ANKRD34B: variants seen among roughly 807,000 people sequenced by gnomAD.
ANKRD34B encodes ankyrin repeat domain 34B.
Under a neutral mutation model 4.4 loss-of-function variants are expected in ANKRD34B, and 2 were observed. That is an observed-to-expected ratio of 0.46 (90% CI 0.19 to 1.44). The LOEUF is 1.44. ANKRD34B is among the 40% of genes most tolerant of loss of function. The pLI is 0.26. For synonymous variants in ANKRD34B, 226 were observed against 227.1 expected (o/e 0.99, Z 0.05); for missense variants, 558 against 604.7 (o/e 0.92, Z 0.81).
chr5:80,567,388 G>C (rs961052003), intron 2 of ANKRD34B, among the ~76,000 whole-genome samples: 2 of 151,732 alleles, frequency 1.3e-5, no homozygotes, highest in African/African-American at 4.8e-5. Context: ...GGGAGGCCGA[G>C]GGGGAGCGGA....
chr5:80,564,298 C>T (rs75233327), intron 3 of ANKRD34B: 6 of 152,994 alleles, frequency 3.9e-5, no homozygotes, highest in East Asian at 3.8e-4. Flanking sequence ...AGGTGTGAGC[C>T]GCCATGCCCA....
At chr5:80,560,366 C>T (rs1025185178) in intron 4 of ANKRD34B, among the ~76,000 whole-genome samples, 1 of 151,872 alleles carries the variant, frequency 6.6e-6, no homozygotes, top group Non-Finnish European at 1.5e-5. Context: ...TATTAAAAAG[C>T]AAATTTAGGA....
chr5:80,560,839 A>G (rs190676007), intron 4 of ANKRD34B, among the ~76,000 whole-genome samples: 170 of 152,268 alleles, frequency 1.1e-3, no homozygotes, highest in Middle Eastern at 3.4e-3. Flanking sequence ...TAGACTTTCA[A>G]TTTGAGGGAC....
At position 80,559,902 on chromosome 5, in the gene ANKRD34B, T is replaced by C. The variant is rs746160231; in HGVS notation, c.118A>G (p.Asn40Asp). The change falls in exon 5 of 5, where the codon AAC becomes GAC. Residue 40 changes from asparagine to aspartate, a missense_variant. Physicochemically the swap from Asn to Asp is conservative, Grantham distance 23. Transcript: ENST00000338682. ...LEGGAYINES[N>D]DRGETPLMIA... The stretch of plus-strand genomic sequence containing the variant: ...ATTAAAGGGGTTTCCCCACGGTCGT[T>C]GCTCTCATTAATGTAGGCACCGCCT... 1.2e-6 allele frequency: 2 copies of C among 1,614,096 alleles called. No homozygotes were observed. Among genetic ancestry groups the C allele is most frequent in the African/African-American group, 1.3e-5 (1 of 75,026 alleles).
At position 80,558,570 on chromosome 5, in the gene ANKRD34B, C is replaced by A; in HGVS notation, c.1450G>T (p.Val484Phe). ...SCGQKVLMPTVPIFPKEFKSK... is the reference protein window; with the variant it reads ...SCGQKVLMPTFPIFPKEFKSK... Reference sequence around the variant, plus strand: ...TTGAATTCTTTAGGGAAAATCGGAACTGTTGGCATAAGCACTTTTTGACCA... The same window carrying A: ...TTGAATTCTTTAGGGAAAATCGGAAATGTTGGCATAAGCACTTTTTGACCA... Residue 484 changes from valine to phenylalanine, a missense_variant, in exon 5 of 5, where the codon GTT (valine) becomes TTT (phenylalanine). Val to Phe is a conservative substitution (Grantham distance 50). Coordinates refer to ENST00000338682, the MANE Select transcript of ANKRD34B (RefSeq NM_001004441.3). The A allele has an allele frequency of 6.2e-7, 1 of 1,614,084 alleles. No individual in the cohort carries two copies.
At chr5:80,570,001 G>C (rs1746710193) in intron 1 of ANKRD34B, among the ~76,000 whole-genome samples, 153 bp downstream of exon 1, 1 of 152,230 alleles carries the variant, frequency 6.6e-6, no homozygotes, top group South Asian at 2.1e-4. Context: ...GGAGGTGCGG[G>C]CTTCAGGGGC....
chr5:80,559,184 T>G lies in ANKRD34B; in HGVS notation c.836A>C (p.Tyr279Ser), dbSNP rs1194034749. The G allele has an allele frequency of 6.2e-7, 1 of 1,614,254 alleles. No homozygotes were observed. The highest frequency in any genetic ancestry group is 1.7e-5 in the Admixed American group (1 of 60,026). ...GGAAAGTGCCAGCCCATTGGTTTTA[T>G]AGGATAGTTCTTCCTCTGGTGTAAT... is the stretch of plus-strand genomic sequence containing the variant. ...QDITPEEELS[Y>S]KTNGLALSKR... Residue 279 changes from tyrosine (Y) to serine (S), a missense_variant, in exon 5 of 5, where the codon TAT (tyrosine) becomes TCT (serine). By Grantham distance (144) the Tyr-to-Ser change is moderately radical (BLOSUM62 -2). Transcript: ENST00000338682.
chr5:80,567,726 A>T (rs1746619231), intron 2 of ANKRD34B, among the ~76,000 whole-genome samples: 2 of 151,942 alleles, frequency 1.3e-5, no homozygotes, highest in African/African-American at 4.8e-5. Flanking sequence ...CATAAAGTTC[A>T]TCATCTGGCC....
rs529062288 is a variant in ANKRD34B at position 80,557,865 on chromosome 5, T to G, written c.*610A>C. ...TCTGACTTGCCAGTTTGACACTAAT[T>G]AAACTGACACCACGAATATTTTAGT... On this transcript the variant is annotated 3_prime_UTR_variant, in exon 5 of 5. Transcript: ENST00000338682. The G allele has an allele frequency of 6.6e-6, 1 of 152,348 alleles. No individual in the cohort carries two copies. Among genetic ancestry groups the G allele is most frequent in the South Asian group, 2.1e-4 (1 of 4,820 alleles). 9.4% of individuals were successfully genotyped at this position (152,348 alleles called of 1,614,324 possible).
chr5:80,567,633 AAAAG>A (rs1418435087), intron 2 of ANKRD34B, among the ~76,000 whole-genome samples: 4 of 109,834 alleles, frequency 3.6e-5, no homozygotes, highest in East Asian at 4.6e-4. Flanking sequence ...AAAAAAAAAA[AAAAG>A]AAAAGAAAAG....
At chr5:80,564,686 CTTTG>C (rs1423219147) in intron 3 of ANKRD34B, among the ~76,000 whole-genome samples, 1 of 141,098 alleles carries the variant, frequency 7.1e-6, no homozygotes, top group Non-Finnish European at 1.5e-5. Flanking sequence ...TTTAAAGCCA[CTTTG>C]TTTGCTCACT....
In ANKRD34B at chr5:80,558,577, C is replaced by G. The variant is rs1746316358; in HGVS notation, c.1443G>C (p.Met481Ile). 6.2e-7 allele frequency: 1 copy of G among 1,613,952 alleles called. No individual in the cohort carries two copies. Among genetic ancestry groups the G allele is most frequent in the Non-Finnish European group, 8.5e-7 (1 of 1,179,990 alleles). Residue 481 changes from methionine (M) to isoleucine (I), a missense_variant, in exon 5 of 5, where the codon ATG (methionine) becomes ATC (isoleucine). Met to Ile is a conservative substitution (Grantham distance 10). Coordinates refer to ENST00000338682, the MANE Select transcript of ANKRD34B (RefSeq NM_001004441.3). ...CTTTAGGGAAAATCGGAACTGTTGG[C>G]ATAAGCACTTTTTGACCACAAGAAA... is the stretch of plus-strand genomic sequence containing the variant. ...SLLSCGQKVLMPTVPIFPKEF... is the reference protein window; with the variant it reads ...SLLSCGQKVLIPTVPIFPKEF...
rs1746284683 is a variant in ANKRD34B, at chr5:80,557,782, GC to G, written c.*692del. Reference sequence around the variant, plus strand: ...TGTTTAAAAACCAAAACAAAGCAAAGCAAAACACAGTGCACAAACAACAAGA... The same window carrying G: ...TGTTTAAAAACCAAAACAAAGCAAAGAAAACACAGTGCACAAACAACAAGA... On this transcript the variant is annotated 3_prime_UTR_variant, in exon 5 of 5. Coordinates refer to ENST00000338682, the MANE Select transcript of ANKRD34B (RefSeq NM_001004441.3). 6.6e-6 allele frequency: 1 copy of G among 152,044 alleles called. No homozygotes were observed. The allele number at this position is 152,044 out of a possible 1,614,324, so 9.4% of individuals were successfully genotyped here.
chr5:80,561,322 C>A lies in ANKRD34B; in HGVS notation c.-23-1280G>T, dbSNP rs113048064. The stretch of plus-strand genomic sequence containing the variant: ...GTATATATAATATTTACATCTGTTT[C>A]ATTGATTCAGTAGTTTTTGGAAACT... On this transcript the variant is annotated intron_variant, in intron 4 of 4. Coordinates refer to ENST00000338682, the MANE Select transcript of ANKRD34B (RefSeq NM_001004441.3). 3.9e-5 allele frequency among the ~76,000 whole-genome samples: 6 copies of A among 152,060 alleles called. 1 individual carries two copies. The highest frequency in any genetic ancestry group is 1.4e-4 in the African/African-American group (6 of 41,480).
chr5:80,568,925 C>CACACACACACACACACACACACAG, intron 2 of ANKRD34B, 35 bp downstream of exon 2: 12 of 49,894 alleles, frequency 2.4e-4, no homozygotes, highest in African/African-American at 2.0e-4. Context: ...CACACACACA[C>CACACACACACACACACACACACAG]AGAGAGAGAG....
In ANKRD34B at chr5:80,557,753, A is replaced by G. The variant is rs1746283816; in HGVS notation, c.*722T>C. ...ATTCCGTAAGATAACTTTACAGGTA[A>G]GTCTGTTTAAAAACCAAAACAAAGC... On this transcript the variant is annotated 3_prime_UTR_variant, in exon 5 of 5. Transcript: ENST00000338682. The G allele has an allele frequency of 6.6e-6, 1 of 152,196 alleles. No homozygotes were observed. The highest frequency in any genetic ancestry group is 2.1e-4 in the South Asian group (1 of 4,832). The allele number at this position is 152,196 out of a possible 1,614,324, so 9.4% of individuals were successfully genotyped here. A position where few individuals can be genotyped will look rare whatever the true frequency, so the allele number is the denominator to read the frequency against.
chr5:80,567,759 A>G (rs1746619628), intron 2 of ANKRD34B, among the ~76,000 whole-genome samples: 1 of 152,006 alleles, frequency 6.6e-6, no homozygotes, highest in Non-Finnish European at 1.5e-5. Flanking sequence ...AACTTAACAA[A>G]TGGGTTTGAA....
chr5:80,564,327 T>A (rs1746497238), intron 3 of ANKRD34B: 1 of 152,388 alleles, frequency 6.6e-6, no homozygotes, highest in Non-Finnish European at 1.5e-5. Flanking sequence ...TTTCTACTTT[T>A]CAGCTATCAT....
intron 4 of ANKRD34B, among the ~76,000 whole-genome samples, chr5:80,562,352 C>T (rs1746428020): frequency 6.6e-6 from 1 of 152,124 alleles, no homozygotes; most frequent in African/African-American, 2.4e-5. Context: ...CCTCCAACTC[C>T]ACTAGGCAGT....
Sources: allele counts gnomAD v4.1 joint callset (sites outside exome capture counted in the v4.1 genomes callset), GRCh38; gene constraint gnomAD v4.1.1; transcripts MANE v1.5; gene names NCBI Gene and HGNC (gene_info 2026-07-23, HGNC 2026-07-21).